Variants in RFX2 observed in about 807,000 individuals in gnomAD.
RFX2 encodes the protein regulatory factor X2.
In RFX2, 20 loss-of-function variants were observed where a neutral mutation model predicts 87.8. The ratio of observed to expected loss-of-function variants is 0.23; its 90% CI spans 0.16 to 0.33. The LOEUF (loss-of-function observed/expected upper bound fraction) is 0.33. RFX2 is among the 10% of genes least tolerant of loss of function. RFX2 has a pLI of 1.00. For synonymous variants in RFX2, 397 were observed against 431.3 expected (o/e 0.92, Z 0.98); for missense variants, 767 against 1,012.3 (o/e 0.76, Z 3.29).
At chr19:6,098,475 T>C (rs2088061737) in intron 1 of RFX2, among the ~76,000 whole-genome samples, 2 of 152,156 alleles carry the variant, frequency 1.3e-5, no homozygotes, top group Non-Finnish European at 1.5e-5. Flanking sequence ...ACCTGGGCAA[T>C]GATCTTGAGT....
Position 6,008,133 on chromosome 19 carries a change from C to T in RFX2, c.1107G>A (p.Leu369=), listed in dbSNP as rs370889185. 3.2e-6 allele frequency: 5 copies of T among 1,552,824 alleles called. No homozygotes were observed. The Admixed American group carries it at 7.8e-5, about 24-fold the overall frequency. The part of the protein sequence containing the change: ...DGVTLHDVKA[L]QLVYRRHCEA... ...CGCAGTGCCGTCTGTACACCAGCTG[C>T]AGGGCCTTGACGTCGTGCAGTGTGA... The change falls in exon 10 of 18, where the codon CTG becomes CTA. Residue 369 remains leucine (L), a synonymous_variant. Transcript: ENST00000303657.
intron 1 of RFX2, among the ~76,000 whole-genome samples, chr19:6,081,183 A>G (rs2087778491): frequency 6.6e-6 from 1 of 152,172 alleles, no homozygotes; most frequent in Non-Finnish European, 1.5e-5. Flanking sequence ...ACCAAGACAA[A>G]GACATTCACT....
At chr19:6,015,390 C>T (rs1213573654) in intron 7 of RFX2, among the ~76,000 whole-genome samples, 1 of 152,014 alleles carries the variant, frequency 6.6e-6, no homozygotes, top group Non-Finnish European at 1.5e-5. Context: ...GATGACGCCA[C>T]TGCACTCCAG....
chr19:6,024,170 G>A lies in RFX2; in HGVS notation c.597+1993C>T, dbSNP rs1273192025. Among the ~76,000 whole-genome samples, 1 of 152,158 alleles carries A rather than the reference G, an allele frequency of 6.6e-6. No individual in the cohort carries two copies. The highest frequency in any genetic ancestry group is 1.5e-5 in the Non-Finnish European group (1 of 68,020). ...CCTGCCTGGGTCACGCAGCCCTCTC[G>A]CCCAGGGCTGATACCCTGGACCCGC... On this transcript the variant is annotated intron_variant, in intron 6 of 17. Coordinates refer to ENST00000303657, the MANE Select transcript of RFX2 (RefSeq NM_000635.4). This position sits in a 1 kb window ranked among gnomAD's most constrained non-coding sequence, Gnocchi z 5.0.
Position 6,024,423 on chromosome 19 carries a change from C to T in RFX2, c.597+1740G>A, listed in dbSNP as rs770613177. 4.0e-4 allele frequency among the ~76,000 whole-genome samples: 61 copies of T among 152,086 alleles called. No individual in the cohort carries two copies. The highest frequency in any genetic ancestry group is 7.2e-4 in the Admixed American group (11 of 15,262). The stretch of plus-strand genomic sequence containing the variant: ...ATGTCCTACCCAGCCTGGAGAGGGG[C>T]GGGGCACTGAGCAGGGGTCTGGCAT... On this transcript the variant is annotated intron_variant, in intron 6 of 17. Transcript: ENST00000303657. This position sits in a 1 kb window ranked among gnomAD's most constrained non-coding sequence, Gnocchi z 5.0.
At chr19:6,103,884 C>T (rs1291248338) in intron 1 of RFX2, among the ~76,000 whole-genome samples, 1 of 152,146 alleles carries the variant, frequency 6.6e-6, no homozygotes, top group Non-Finnish European at 1.5e-5. Context: ...AACTGATCAT[C>T]CCAGGCCACT....
At chr19:6,036,716 GA>G (rs981410146) in intron 5 of RFX2, among the ~76,000 whole-genome samples, 1 of 152,096 alleles carries the variant, frequency 6.6e-6, no homozygotes, top group Non-Finnish European at 1.5e-5. Flanking sequence ...CAGAAAACTA[GA>G]AAAAGAAGGG....
chr19:6,103,393 T>C (rs2144910760), intron 1 of RFX2, among the ~76,000 whole-genome samples: 1 of 152,298 alleles, frequency 6.6e-6, no homozygotes, highest in East Asian at 1.9e-4. Context: ...GGAATGCACT[T>C]TCAGGAAAAA....
In RFX2 at chr19:6,040,006, G is replaced by C; in HGVS notation, c.496C>G (p.His166Asp). 1 of 1,597,856 alleles carries C rather than the reference G, an allele frequency of 6.3e-7. No homozygotes were observed. Among genetic ancestry groups the C allele is most frequent in the Non-Finnish European group, 8.5e-7 (1 of 1,171,068 alleles). ...GTGGCGGGCGATGAGCGGGAGGTGT[G>C]GGCCAGGGAGTGTCTGGTGCTGTCC... ...GMDSTRHSLA[H>D]TSRSSPATLE... The change falls in exon 5 of 18, where the codon CAC (histidine) becomes GAC (aspartate). Residue 166 changes from histidine to aspartate, a missense_variant. Physicochemically the swap from His to Asp is moderately conservative, Grantham distance 81 (BLOSUM62 -1). Coordinates refer to ENST00000303657, the MANE Select transcript of RFX2 (RefSeq NM_000635.4). The surrounding 1 kb of genome is among the most constrained non-coding windows in gnomAD (Gnocchi z 6.1).
rs986792232 is a variant in RFX2 at position 6,056,682 on chromosome 19, C to A, written c.-8-9178G>T. On this transcript the variant is annotated intron_variant, in intron 1 of 17. Transcript: ENST00000303657. This position sits in a 1 kb window ranked among gnomAD's most constrained non-coding sequence, Gnocchi z 4.6. ...TGAGTGAGTGGAGGCCATGCTTCTTCTCTGAACCTGAATCTGCTGTGGGAA... is the reference window on the plus strand; with the variant it reads ...TGAGTGAGTGGAGGCCATGCTTCTTATCTGAACCTGAATCTGCTGTGGGAA... Among the ~76,000 whole-genome samples, 9 of 152,234 alleles carry A rather than the reference C, an allele frequency of 5.9e-5. No individual in the cohort carries two copies. The highest frequency in any genetic ancestry group is 2.2e-4 in the African/African-American group (9 of 41,452).
intron 1 of RFX2, among the ~76,000 whole-genome samples, chr19:6,097,117 G>C (rs925981131): frequency 6.6e-6 from 1 of 152,190 alleles, no homozygotes; most frequent in African/African-American, 2.4e-5. Flanking sequence ...GTGGGTTAGT[G>C]GGGGTGAAGC....
At position 6,002,462 on chromosome 19, in the gene RFX2, G is replaced by A. The variant is rs2086504010; in HGVS notation, c.1650+259C>T. On this transcript the variant is annotated intron_variant, in intron 14 of 17. Coordinates refer to ENST00000303657, the MANE Select transcript of RFX2 (RefSeq NM_000635.4). This position sits in a 1 kb window ranked among gnomAD's most constrained non-coding sequence, Gnocchi z 6.7. Reference sequence around the variant, plus strand: ...AGGTCAACGTGGTGCCACGATCCTGGAAGCTGGGGGCCTTTGTGAGGAAAA... The same window carrying A: ...AGGTCAACGTGGTGCCACGATCCTGAAAGCTGGGGGCCTTTGTGAGGAAAA... 6.6e-6 allele frequency among the ~76,000 whole-genome samples: 1 copy of A among 152,264 alleles called. No individual in the cohort carries two copies. The highest frequency in any genetic ancestry group is 2.1e-4 in the South Asian group (1 of 4,836).
chr19:6,086,230 A>C (rs1333137334), intron 1 of RFX2, among the ~76,000 whole-genome samples: 2 of 152,106 alleles, frequency 1.3e-5, no homozygotes, highest in African/African-American at 2.4e-5. Flanking sequence ...TGCAGGAGTA[A>C]AATACGGCCA....
chr19:6,087,151 G>A (rs73549960), intron 1 of RFX2, among the ~76,000 whole-genome samples: 12,744 of 152,078 alleles, frequency 0.084, 1,646 homozygotes, highest in African/African-American at 0.28. Context: ...GCAGATGGTC[G>A]CAGCGGGTCA....
intron 1 of RFX2, among the ~76,000 whole-genome samples, chr19:6,097,822 A>C (rs1373139157): frequency 4.6e-5 from 7 of 152,096 alleles, no homozygotes; most frequent in African/African-American, 1.7e-4. Context: ...GCCTCAAGCT[A>C]TCCTCCTACC....
chr19:6,080,202 A>ATGTGTGTGTGTGTGTGTGTGTGTGTG (rs368062995), intron 1 of RFX2, among the ~76,000 whole-genome samples: 1 of 138,412 alleles, frequency 7.2e-6, no homozygotes, highest in African/African-American at 2.7e-5. Context: ...TGCCTGGTTA[A>ATGTGTGTGTGTGTGTGTGTGTGTGTG]TGTGTGTGTG....
At chr19:6,057,568 C>T (rs1204349551) in intron 1 of RFX2, among the ~76,000 whole-genome samples, 1 of 152,180 alleles carries the variant, frequency 6.6e-6, no homozygotes, top group Admixed American at 6.5e-5. Context: ...GCAGAGTTAG[C>T]TGAGTGGTTT....
intron 1 of RFX2, among the ~76,000 whole-genome samples, chr19:6,097,060 G>C (rs969880147): frequency 1.6e-4 from 25 of 152,230 alleles, no homozygotes; most frequent in African/African-American, 6.0e-4. Context: ...TACAAGACCA[G>C]TTTGGGTGGT....
chr19:6,051,017 C>G (rs895316281), intron 1 of RFX2, among the ~76,000 whole-genome samples: 14 of 152,122 alleles, frequency 9.2e-5, no homozygotes, highest in African/African-American at 3.4e-4. Context: ...GGGGGAAAAC[C>G]CTATCAGCCC....
Sources: gnomAD v4.1 joint callset for allele counts (sites outside exome capture counted in the v4.1 genomes callset) on GRCh38, gnomAD v4.1.1 for gene constraint, Gnocchi (gnomAD v3.1) non-coding constraint, MANE v1.5 for transcripts, NCBI Gene and HGNC (gene_info 2026-07-23, HGNC 2026-07-21) for gene names.